PGM5: variants seen among roughly 807,000 people sequenced by gnomAD.
PGM5 encodes phosphoglucomutase-like protein 5.
In PGM5, 23 loss-of-function variants were observed where a neutral mutation model predicts 59.2. The ratio of observed to expected loss-of-function variants is 0.39; its 90% confidence interval spans 0.28 to 0.55. PGM5 has a LOEUF of 0.55. PGM5 is among the 20% of genes least tolerant of loss of function. The probability of loss-of-function intolerance (pLI) is 0.66; values close to 1 mark genes in which losing one functional copy is unlikely to be tolerated. For synonymous variants in PGM5, 214 were observed against 286.0 expected (o/e 0.75, Z 2.54); for missense variants, 574 against 748.3 (o/e 0.77, Z 2.72).
chr9:68,518,724 A>C (rs1824856948), intron 10 of PGM5, among the ~76,000 whole-genome samples: 1 of 152,250 alleles, frequency 6.6e-6, no homozygotes, highest in Non-Finnish European at 1.5e-5. Flanking sequence ...CAGAACAAAG[A>C]ATATAAGATT....
chr9:68,476,742 G>T (rs1824111808), intron 7 of PGM5, among the ~76,000 whole-genome samples: 2 of 152,234 alleles, frequency 1.3e-5, no homozygotes, highest in Admixed American at 1.3e-4. Context: ...AGGCAAGGAT[G>T]TCCAAGCCAA....
intron 6 of PGM5, among the ~76,000 whole-genome samples, chr9:68,430,633 C>G (rs1022470534): frequency 1.3e-5 from 2 of 152,230 alleles, no homozygotes; most frequent in Non-Finnish European, 2.9e-5. Context: ...GATACCGTTT[C>G]TGATTTGGAG....
chr9:68,458,559 G>A (rs970885152), intron 6 of PGM5, among the ~76,000 whole-genome samples: 4 of 152,152 alleles, frequency 2.6e-5, no homozygotes, highest in African/African-American at 9.7e-5. Flanking sequence ...TCGCAACTCT[G>A]TAGGCCATTT....
intron 6 of PGM5, among the ~76,000 whole-genome samples, chr9:68,434,836 G>C (rs781862727): frequency 6.6e-5 from 10 of 152,072 alleles, no homozygotes; most frequent in Non-Finnish European, 1.5e-4. Context: ...CCTGACTAGA[G>C]TGACTACTGC....
chr9:68,357,489 C>T, intron 1 of PGM5, 101 bp downstream of exon 1: 13 of 1,505,502 alleles, frequency 8.6e-6, no homozygotes, highest in Non-Finnish European at 1.2e-5. Flanking sequence ...GAGGCCCCTG[C>T]CCGGCCCCGG....
intron 6 of PGM5, among the ~76,000 whole-genome samples, chr9:68,430,307 TGCGTGA>T (rs1564003624): frequency 6.6e-6 from 1 of 152,236 alleles, no homozygotes; most frequent in Non-Finnish European, 1.5e-5. Context: ...GCAGTGGATG[TGCGTGA>T]GCTATGGCCT....
intron 6 of PGM5, among the ~76,000 whole-genome samples, chr9:68,414,304 A>T (rs1554681818): frequency 6.6e-6 from 1 of 152,198 alleles, no homozygotes; most frequent in African/African-American, 2.4e-5. Flanking sequence ...CACAAAATGG[A>T]CTAAGACACC....
chr9:68,386,175 A>G (rs1822212212), intron 3 of PGM5, among the ~76,000 whole-genome samples: 1 of 151,882 alleles, frequency 6.6e-6, no homozygotes, highest in Non-Finnish European at 1.5e-5. Context: ...TTATCCTATA[A>G]TGTAGAGTGA....
At chr9:68,395,852 A>T (rs1398800264) in intron 6 of PGM5, 1 of 152,016 alleles carries the variant, frequency 6.6e-6, no homozygotes, top group Admixed American at 6.6e-5. Flanking sequence ...ATGGACCTTA[A>T]GTCCACGATG....
chr9:68,406,715 T>C (rs1320878076), intron 6 of PGM5, among the ~76,000 whole-genome samples: 1 of 98,184 alleles, frequency 1.0e-5, no homozygotes, highest in African/African-American at 4.1e-5. Flanking sequence ...TATATATATA[T>C]ATATATATAT....
chr9:68,462,335 C>T (rs890274462), intron 6 of PGM5, among the ~76,000 whole-genome samples: 7 of 152,244 alleles, frequency 4.6e-5, no homozygotes, highest in East Asian at 1.9e-4. Context: ...GCCAAAAACC[C>T]ATCTAATGCA....
intron 6 of PGM5, chr9:68,406,085 A>G (rs1822803379): frequency 6.6e-6 from 1 of 152,122 alleles, no homozygotes. Context: ...CAGTGTACTC[A>G]AATGAGCTCA....
chr9:68,483,732 G>A, intron 8 of PGM5, 133 bp from the exon 9 acceptor site: 2 of 703,382 alleles, frequency 2.8e-6, no homozygotes, highest in Non-Finnish European at 2.4e-6. Context: ...AGATGAAAGA[G>A]GGGAGATGAG....
intron 7 of PGM5, among the ~76,000 whole-genome samples, chr9:68,473,950 C>G (rs964329119): frequency 7.9e-5 from 12 of 152,138 alleles, no homozygotes; most frequent in African/African-American, 2.9e-4. Context: ...TTTCCCTTAG[C>G]ACCACATTCA....
At chr9:68,376,472 G>T (rs1177625136) in intron 1 of PGM5, among the ~76,000 whole-genome samples, 1 of 128,318 alleles carries the variant, frequency 7.8e-6, no homozygotes, top group Non-Finnish European at 1.7e-5. Flanking sequence ...CTTTGCTTTT[G>T]AGCTGTGTGT....
chr9:68,406,950 C>CT (rs1245756491), intron 6 of PGM5, among the ~76,000 whole-genome samples: 1 of 151,578 alleles, frequency 6.6e-6, no homozygotes, highest in Non-Finnish European at 1.5e-5. Context: ...TGCTTTCTTG[C>CT]TGTGTATATT....
intron 7 of PGM5, among the ~76,000 whole-genome samples, chr9:68,469,735 C>T (rs1215406113): frequency 6.6e-6 from 1 of 151,942 alleles, no homozygotes; most frequent in Non-Finnish European, 1.5e-5. Flanking sequence ...GAATGGTAGG[C>T]CCTAAGTAAA....
At chr9:68,503,253 G>A (rs954616055) in intron 10 of PGM5, among the ~76,000 whole-genome samples, 10 of 152,186 alleles carry the variant, frequency 6.6e-5, no homozygotes, top group African/African-American at 2.4e-4. Context: ...CCCATCATAA[G>A]TTGAAAATGC....
chr9:68,435,038 G>T (rs1338576463), intron 6 of PGM5, among the ~76,000 whole-genome samples: 1 of 152,170 alleles, frequency 6.6e-6, no homozygotes, highest in Non-Finnish European at 1.5e-5. Context: ...TGCTCAAGCT[G>T]TTTCCTCTAC....
Sources: gnomAD v4.1 joint callset for allele counts (sites outside exome capture counted in the v4.1 genomes callset) on GRCh38, gnomAD v4.1.1 for gene constraint, MANE v1.5 for transcripts, NCBI Gene and HGNC (gene_info 2026-07-23, HGNC 2026-07-21) for gene names.